The following NRXN3 variants were observed in gnomAD, a reference collection of about 807,000 sequenced individuals.
NRXN3 encodes the protein neurexin 3.
In NRXN3, 32 loss-of-function variants were observed where a neutral mutation model predicts 137.6. The ratio of observed to expected loss-of-function variants is 0.23; its 90% confidence interval spans 0.18 to 0.31. NRXN3 has a LOEUF of 0.31. NRXN3 is among the 10% of genes least tolerant of loss of function. The pLI is 1.00. For missense variants in NRXN3, 1,574 were observed against 2,062.5 expected (o/e 0.76, Z 4.59); for synonymous variants, 798 against 784.5 (o/e 1.02, Z -0.29).
chr14:78,768,403 G>A (rs2098715859), intron 8 of NRXN3, among the ~76,000 whole-genome samples: 1 of 152,158 alleles, frequency 6.6e-6, no homozygotes, highest in Admixed American at 6.5e-5. Context: ...AGATGGAAGA[G>A]ACATACTATT....
At chr14:78,225,765 T>C (rs1013468764) in intron 1 of NRXN3, among the ~76,000 whole-genome samples, 7 of 152,190 alleles carry the variant, frequency 4.6e-5, no homozygotes, top group African/African-American at 1.7e-4. Context: ...TCTTTACTTG[T>C]GGTTTTCCTT....
intron 16 of NRXN3, among the ~76,000 whole-genome samples, chr14:79,517,652 G>C (rs1470177751): frequency 7.9e-6 from 1 of 126,910 alleles, no homozygotes; most frequent in Admixed American, 9.6e-5. Context: ...GTGAGGTATT[G>C]ATACAAATTT....
intron 8 of NRXN3, among the ~76,000 whole-genome samples, chr14:78,776,147 T>C (rs1379278001): frequency 6.6e-6 from 1 of 152,250 alleles, no homozygotes; most frequent in East Asian, 1.9e-4. Flanking sequence ...AACATAGTTA[T>C]ATGGCATTAT....
At chr14:79,707,940 T>C (rs552636893) in intron 19 of NRXN3, among the ~76,000 whole-genome samples, 1 of 152,294 alleles carries the variant, frequency 6.6e-6, no homozygotes, top group Non-Finnish European at 1.5e-5. Flanking sequence ...ATTTCATGGA[T>C]TTGTATGGCT....
rs147013752 is a variant in NRXN3, at chr14:78,450,912, G to GGTGTGTGT, written c.757+153064_757+153071dup. Among the ~76,000 whole-genome samples, 10 of 150,278 alleles carry GGTGTGTGT rather than the reference G, an allele frequency of 6.7e-5. No homozygotes were observed. In the East Asian group the frequency reaches 2.0e-3, roughly 29 times the overall value. ...CTGGGCTTTAGATGACGGTGTTTGG[G>GGTGTGTGT]GTGTGTGTGTGTGTGTGTGAGTGTG... On this transcript the variant is annotated intron_variant, in intron 4 of 20. Transcript: ENST00000335750.
At chr14:78,234,960 A>G (rs2065977060) in intron 1 of NRXN3, among the ~76,000 whole-genome samples, 4 of 146,330 alleles carry the variant, frequency 2.7e-5, no homozygotes, top group African/African-American at 7.5e-5. Flanking sequence ...ATAGTCTAAA[A>G]TTACATTTGA....
intron 3 of NRXN3, among the ~76,000 whole-genome samples, chr14:78,287,962 T>C (rs2075357372): frequency 6.6e-6 from 1 of 152,124 alleles, no homozygotes; most frequent in African/African-American, 2.4e-5. Context: ...TTCAGTTCAT[T>C]ATAGAGTGGT....
At chr14:79,475,020 G>A (rs193119148) in intron 16 of NRXN3, among the ~76,000 whole-genome samples, 14 of 152,130 alleles carry the variant, frequency 9.2e-5, no homozygotes, top group East Asian at 5.8e-4. Flanking sequence ...GAGCTTGGTC[G>A]TATACTCGGG....
intron 15 of NRXN3, among the ~76,000 whole-genome samples, chr14:79,122,390 A>G (rs1033665160): frequency 6.6e-6 from 1 of 152,312 alleles, no homozygotes; most frequent in Non-Finnish European, 1.5e-5. Context: ...TGGCAGTGCT[A>G]TTAACAATGT....
intron 15 of NRXN3, among the ~76,000 whole-genome samples, chr14:79,080,039 G>T (rs867055674): frequency 3.1e-4 from 47 of 152,208 alleles, no homozygotes; most frequent in African/African-American, 1.1e-3. Flanking sequence ...AGCTGTTAGT[G>T]TATTAAGAGT....
At chr14:78,374,984 A>C (rs1341558130) in intron 4 of NRXN3, among the ~76,000 whole-genome samples, 1 of 152,208 alleles carries the variant, frequency 6.6e-6, no homozygotes, top group Non-Finnish European at 1.5e-5. Flanking sequence ...CATACTGGGA[A>C]ATACCTTTAT....
intron 8 of NRXN3, among the ~76,000 whole-genome samples, chr14:78,794,165 G>A (rs188948229): frequency 2.6e-5 from 4 of 152,038 alleles, no homozygotes; most frequent in African/African-American, 4.8e-5. Context: ...TAGATCACCC[G>A]AGAGGTCAGG....
chr14:79,413,883 C>CA (rs372803175), intron 15 of NRXN3, among the ~76,000 whole-genome samples: 36,113 of 76,432 alleles, frequency 0.47, 9,720 homozygotes, highest in Admixed American at 0.58. Context: ...ATGTGGTTCT[C>CA]AAAAAAAAAA....
chr14:79,680,179 G>A (rs753128276), intron 17 of NRXN3, among the ~76,000 whole-genome samples: 3 of 152,148 alleles, frequency 2.0e-5, no homozygotes, highest in Non-Finnish European at 4.4e-5. Context: ...AGGGGCTGAA[G>A]AGGCAGTGCC....
At chr14:78,287,736 TC>T (rs1462532337) in intron 3 of NRXN3, among the ~76,000 whole-genome samples, 2 of 152,120 alleles carry the variant, frequency 1.3e-5, no homozygotes, top group African/African-American at 4.8e-5. Context: ...CTAATTACAC[TC>T]CTAGTGTTTG....
intron 8 of NRXN3, among the ~76,000 whole-genome samples, chr14:78,798,115 A>G (rs987451233): frequency 6.6e-6 from 1 of 152,216 alleles, no homozygotes; most frequent in African/African-American, 2.4e-5. Context: ...CCAAAGTCTT[A>G]ACTCATTTCA....
rs1045864964 is a variant in NRXN3, at chr14:79,867,255, G to A, written c.*5291G>A. On this transcript the variant is annotated 3_prime_UTR_variant, in exon 21 of 21. Coordinates refer to ENST00000335750, the MANE Select transcript of NRXN3 (RefSeq NM_001330195.2). The stretch of plus-strand genomic sequence containing the variant: ...ACTTTTTCCAGAAGCATTTGAAGTG[G>A]AAGCTAAGGCAGGAAATGAGAGGAT... The A allele has an allele frequency of 5.9e-5, 9 of 152,308 alleles. No individual in the cohort carries two copies. The highest frequency in any genetic ancestry group is 1.3e-4 in the Non-Finnish European group (9 of 68,040). The allele number at this position is 152,308 out of a possible 1,614,324, so 9.4% of individuals were successfully genotyped here.
intron 16 of NRXN3, among the ~76,000 whole-genome samples, chr14:79,530,592 T>TG (rs1358389426): frequency 1.4e-5 from 2 of 138,714 alleles, no homozygotes; most frequent in African/African-American, 3.0e-5. Context: ...AGAGGTTTTT[T>TG]GTTTTTTTTT....
intron 15 of NRXN3, among the ~76,000 whole-genome samples, chr14:79,311,540 T>A (rs2087292959): frequency 9.8e-6 from 1 of 101,688 alleles, no homozygotes; most frequent in Non-Finnish European, 2.0e-5. Context: ...TCTGGTAGAA[T>A]TCGGCTGTGA....
Sources: gnomAD v4.1 joint callset for allele counts (sites outside exome capture counted in the v4.1 genomes callset) on GRCh38, gnomAD v4.1.1 for gene constraint, MANE v1.5 for transcripts, NCBI Gene and HGNC (gene_info 2026-07-23, HGNC 2026-07-21) for gene names.